NAAA: variants seen among roughly 807,000 people sequenced by gnomAD.
NAAA encodes the protein N-acylethanolamine-hydrolyzing acid amidase.
In NAAA, 39 loss-of-function variants were observed where a neutral mutation model predicts 44.8. The observed-to-expected ratio is 0.87, with a 90% CI of 0.67 to 1.14. The LOEUF (loss-of-function observed/expected upper bound fraction) is 1.14. Ranked by LOEUF, NAAA falls within the 50% of genes most tolerant of loss-of-function variation. The pLI is 0.00. For synonymous variants in NAAA, 178 were observed against 191.3 expected, an observed-to-expected ratio of 0.93 and a Z score of 0.58; for missense variants, 460 against 467.8, an observed-to-expected ratio of 0.98 and a Z score of 0.15.
At chr4:75,930,263 T>C (rs569978265) in intron 4 of NAAA, among the ~76,000 whole-genome samples, 47 of 152,206 alleles carry the variant, frequency 3.1e-4, no homozygotes, top group African/African-American at 1.1e-3. Context: ...ATTTCTAGAT[T>C]TCCCACATAC....
downstream of NAAA, chr4:75,911,387 C>T: frequency 2.1e-6 from 1 of 482,694 alleles, no homozygotes; most frequent in Non-Finnish European, 4.2e-6. Flanking sequence ...TGAGATCATA[C>T]TATTGCAGTA....
In NAAA at chr4:75,914,803, C is replaced by A. The variant is rs909242335; in HGVS notation, c.*36+65G>T. On this transcript the variant is annotated intron_variant, in intron 10 of 10. Coordinates refer to ENST00000286733, the MANE Select transcript of NAAA (RefSeq NM_014435.4). Reference sequence around the variant, plus strand: ...TGTATACATTTTAAGGATGTTACCACCCTCTGTAAGAAATACCAGCACACA... The same window carrying A: ...TGTATACATTTTAAGGATGTTACCAACCTCTGTAAGAAATACCAGCACACA... 6.0e-6 allele frequency: 7 copies of A among 1,163,848 alleles called. No individual in the cohort carries two copies. The East Asian group carries it at 1.2e-4, about 20-fold the overall frequency. The allele number at this position is 1,163,848 out of a possible 1,614,324, so 72.1% of individuals were successfully genotyped here.
downstream of NAAA, among the ~76,000 whole-genome samples, chr4:75,912,554 GAA>G (rs34332139): frequency 1.8e-4 from 20 of 113,086 alleles, no homozygotes; most frequent in Admixed American, 2.8e-4. Flanking sequence ...ACTCTGTCTG[GAA>G]AAAAAAAAAA....
chr4:75,916,022 T>C (rs183051634), intron 9 of NAAA, among the ~76,000 whole-genome samples: 27 of 152,292 alleles, frequency 1.8e-4, no homozygotes, highest in Non-Finnish European at 2.5e-4. Context: ...GCAGAGCTCG[T>C]CCAAGGGTAA....
chr4:75,913,789 A>G lies in NAAA; in HGVS notation c.*586T>C, dbSNP rs1028682163. 1 of 984,806 alleles carries G rather than the reference A, an allele frequency of 1.0e-6. No homozygotes were observed. The highest frequency in any genetic ancestry group is 1.2e-6 in the Non-Finnish European group (1 of 829,358). 61.0% of individuals were successfully genotyped at this position (984,806 alleles called of 1,614,324 possible). A position where few individuals can be genotyped will look rare whatever the true frequency, so the allele number is the denominator to read the frequency against. ...AGCAGTAAGAAAGTAGCTATTGAGA[A>G]AGAAGGAGGGCCATAGGTTTTTCAA... On this transcript the variant is annotated 3_prime_UTR_variant, in exon 11 of 11. Transcript: ENST00000286733.
chr4:75,911,150 T>A (rs1725308059), downstream of NAAA, among the ~76,000 whole-genome samples: 2 of 152,062 alleles, frequency 1.3e-5, no homozygotes. Flanking sequence ...TGTCACAAAG[T>A]CAATTGATCA....
chr4:75,934,527 C>T (rs568059281), intron 3 of NAAA, among the ~76,000 whole-genome samples: 118 of 149,604 alleles, frequency 7.9e-4, no homozygotes, highest in South Asian at 1.5e-3. Context: ...CGGGGTTTCA[C>T]CACATTGGCC....
At chr4:75,912,148 A>G (rs1445724792), downstream of NAAA, among the ~76,000 whole-genome samples, 1 of 152,264 alleles carries the variant, frequency 6.6e-6, no homozygotes, top group Non-Finnish European at 1.5e-5. Flanking sequence ...CCTGAGGAAC[A>G]GCCCTCAATG....
At chr4:75,925,327 G>A (rs1165531461) in intron 5 of NAAA, among the ~76,000 whole-genome samples, 1 of 152,084 alleles carries the variant, frequency 6.6e-6, no homozygotes, top group Non-Finnish European at 1.5e-5. Context: ...GAGCCACTGC[G>A]CCCTGCCTGG....
At chr4:75,920,891 C>T (rs1435546217) in intron 6 of NAAA, 60 bp downstream of exon 6, 42 of 1,612,204 alleles carry the variant, frequency 2.6e-5, no homozygotes, top group Non-Finnish European at 3.6e-5. Context: ...CCCCTCATTT[C>T]ACCGATTAAA....
intron 4 of NAAA, among the ~76,000 whole-genome samples, chr4:75,930,928 C>G (rs1405081139): frequency 6.6e-6 from 1 of 152,160 alleles, no homozygotes; most frequent in East Asian, 1.9e-4. Context: ...AGAACTAGCT[C>G]CCGGATCACA....
intron 4 of NAAA, among the ~76,000 whole-genome samples, chr4:75,929,021 T>C (rs1332443026): frequency 1.3e-5 from 2 of 151,684 alleles, no homozygotes; most frequent in African/African-American, 4.8e-5. Flanking sequence ...CTCAATCTCC[T>C]GACCTCGTGA....
intron 4 of NAAA, among the ~76,000 whole-genome samples, chr4:75,930,013 C>T (rs1040783493): frequency 6.6e-6 from 1 of 151,964 alleles, no homozygotes; most frequent in Non-Finnish European, 1.5e-5. Context: ...CGGCTGAGCC[C>T]GGGAGGCAGA....
chr4:75,913,766 C>A lies in NAAA; in HGVS notation c.*609G>T. On this transcript the variant is annotated 3_prime_UTR_variant, in exon 11 of 11. Coordinates refer to ENST00000286733, the MANE Select transcript of NAAA (RefSeq NM_014435.4). ...TTGGTTGCATATTATTTTCAAAAAGCAGTAAGAAAGTAGCTATTGAGAAAG... is the reference window on the plus strand; with the variant it reads ...TTGGTTGCATATTATTTTCAAAAAGAAGTAAGAAAGTAGCTATTGAGAAAG... 1.0e-6 allele frequency: 1 copy of A among 982,998 alleles called. No individual in the cohort carries two copies. The highest frequency in any genetic ancestry group is 1.1e-4 in the East Asian group (1 of 8,780). The allele number at this position is 982,998 out of a possible 1,614,324, so 60.9% of individuals were successfully genotyped here. A position where few individuals can be genotyped will look rare whatever the true frequency, so the allele number is the denominator to read the frequency against.
chr4:75,928,083 C>T (rs1726898032), intron 4 of NAAA, among the ~76,000 whole-genome samples: 1 of 152,094 alleles, frequency 6.6e-6, no homozygotes, highest in Admixed American at 6.6e-5. Context: ...GTGTGGATCA[C>T]CAGACCTTAT....
rs4859572 is a variant in NAAA, at chr4:75,936,235, C to T, written c.372G>A (p.Val124=). 364,676 of 1,606,186 alleles carry T rather than the reference C, an allele frequency of 0.23. 43,370 individuals are homozygous for T. The highest frequency in any genetic ancestry group is 0.34 in the East Asian group (15,450 of 44,794). The change falls in exon 3 of 11, where the codon GTG becomes GTA. Residue 124 remains valine, a splice_region_variant and synonymous_variant. Coordinates refer to ENST00000286733, the MANE Select transcript of NAAA (RefSeq NM_014435.4). ...CTTGAGCCACAATACTGGTGCAGAACCTGAGAAAAGGGAAAAGTCCAACAT... is the reference window on the plus strand; with the variant it reads ...CTTGAGCCACAATACTGGTGCAGAATCTGAGAAAAGGGAAAAGTCCAACAT... ...LLVNLAYESS[V]FCTSIVAQDS... is the part of the protein sequence containing the mutation.
rs771077846 is a variant in NAAA, at chr4:75,921,129, C to T, written c.667-6G>A. ...TTTTCCGACTCACTCAGGGTCTGAA[C>T]GAAAGGATGAACTTGCGTGAGCAAC... On this transcript the variant is annotated splice_region_variant and splice_polypyrimidine_tract_variant and intron_variant, in intron 5 of 10. Transcript: ENST00000286733. 7.7e-6 allele frequency: 12 copies of T among 1,563,880 alleles called. No homozygotes were observed. The highest frequency in any genetic ancestry group is 6.0e-5 in the South Asian group (5 of 82,978).
At chr4:75,913,553 G>A (rs1725418259), downstream of NAAA, 11 of 489,964 alleles carry the variant, frequency 2.2e-5, no homozygotes, top group Non-Finnish European at 2.9e-5. Flanking sequence ...TCCCTTGAAT[G>A]CTGACACTTA....
intron 7 of NAAA, among the ~76,000 whole-genome samples, chr4:75,920,516 A>T (rs988337753): frequency 9.2e-5 from 14 of 152,048 alleles, no homozygotes; most frequent in Non-Finnish European, 1.9e-4. Flanking sequence ...AGGGCTCCTG[A>T]CCCTGACAGC....
Sources: gnomAD v4.1 joint callset for allele counts (sites outside exome capture counted in the v4.1 genomes callset) on GRCh38, gnomAD v4.1.1 for gene constraint, MANE v1.5 for transcripts, NCBI Gene and HGNC (gene_info 2026-07-23, HGNC 2026-07-21) for gene names.